The following MAN1C1 variants were observed in gnomAD, a reference collection of about 807,000 sequenced individuals.
The protein encoded by MAN1C1 is mannosidase alpha class 1C member 1.
In MAN1C1, 49 loss-of-function variants were observed where a neutral mutation model predicts 71.5. The ratio of observed to expected loss-of-function variants is 0.69; its 90% CI spans 0.54 to 0.87. The LOEUF (loss-of-function observed/expected upper bound fraction) is 0.87, where lower values mean the gene tolerates loss of function less well. Ranked by LOEUF, MAN1C1 falls within the 40% of genes least tolerant of loss-of-function variation. The probability of loss-of-function intolerance (pLI) is 0.00; values close to 1 mark genes in which losing one functional copy is unlikely to be tolerated. For missense variants in MAN1C1, 743 were observed against 835.0 expected, an observed-to-expected ratio of 0.89 and a Z score of 1.36; for synonymous variants, 352 against 343.7, an observed-to-expected ratio of 1.02 and a Z score of -0.27.
intron 6 of MAN1C1, 97 bp from the exon 7 acceptor site, chr1:25,763,777 C>T: frequency 1.1e-6 from 1 of 927,866 alleles, no homozygotes; most frequent in Non-Finnish European, 1.8e-6. Flanking sequence ...AGGTTTCCTC[C>T]ATGCATCTGA....
chr1:25,641,760 A>G (rs1255481840), intron 1 of MAN1C1, among the ~76,000 whole-genome samples: 1 of 152,172 alleles, frequency 6.6e-6, no homozygotes, highest in African/African-American at 2.4e-5. Context: ...AATTTTCTGT[A>G]TTTATTAAGA....
chr1:25,680,949 C>T (rs115642911), intron 1 of MAN1C1, among the ~76,000 whole-genome samples: 78 of 152,146 alleles, frequency 5.1e-4, no homozygotes, highest in African/African-American at 1.8e-3. Context: ...CAGATGAGCA[C>T]GGTGGCTCAT....
chr1:25,755,536 G>A (rs894275958), intron 5 of MAN1C1, among the ~76,000 whole-genome samples: 5 of 152,192 alleles, frequency 3.3e-5, no homozygotes, highest in African/African-American at 4.8e-5. Context: ...AATTGCAAAC[G>A]TCTGGTGAGA....
At chr1:25,770,114 C>T (rs915612821) in intron 7 of MAN1C1, among the ~76,000 whole-genome samples, 1 of 152,190 alleles carries the variant, frequency 6.6e-6, no homozygotes, top group Non-Finnish European at 1.5e-5. Flanking sequence ...CCTGCCCCTC[C>T]TCAACATGCC....
intron 1 of MAN1C1, among the ~76,000 whole-genome samples, chr1:25,638,909 C>T (rs964162162): frequency 6.6e-6 from 1 of 151,932 alleles, no homozygotes; most frequent in East Asian, 1.9e-4. Flanking sequence ...GATATTTTTT[C>T]ATCAGTTTGG....
rs1358166724 is a variant in MAN1C1, at chr1:25,631,131, A to T, written c.540+12794A>T. 6.6e-6 allele frequency among the ~76,000 whole-genome samples: 1 copy of T among 151,650 alleles called. No individual in the cohort carries two copies. Among genetic ancestry groups the T allele is most frequent in the African/African-American group, 2.4e-5 (1 of 41,256 alleles). On this transcript the variant is annotated intron_variant, in intron 1 of 11. Coordinates refer to ENST00000374332, the MANE Select transcript of MAN1C1 (RefSeq NM_020379.4). This position sits in a 1 kb window ranked among gnomAD's most constrained non-coding sequence, Gnocchi z 4.2. ...AGGCATGTACCACCACGCCTGGTTA[A>T]TTTTTTTTGTATTTTTAGAAGAGAC...
intron 8 of MAN1C1, among the ~76,000 whole-genome samples, chr1:25,772,888 C>G (rs926363182): frequency 2.0e-5 from 3 of 152,208 alleles, no homozygotes; most frequent in Non-Finnish European, 4.4e-5. Flanking sequence ...CGACTCCCAC[C>G]TCAGGGCCTT....
At position 25,617,207 on chromosome 1, in the gene MAN1C1, C is replaced by A. The variant is rs1211706810; in HGVS notation, c.-591C>A. 6.6e-6 allele frequency among the ~76,000 whole-genome samples: 1 copy of A among 151,592 alleles called. No homozygotes were observed. Among genetic ancestry groups the A allele is most frequent in the Non-Finnish European group, 1.5e-5 (1 of 67,852 alleles). On this transcript the variant is annotated 5_prime_UTR_variant, in exon 1 of 12. Coordinates refer to ENST00000374332, the MANE Select transcript of MAN1C1 (RefSeq NM_020379.4). The surrounding 1 kb of genome is among the most constrained non-coding windows in gnomAD (Gnocchi z 5.1). ...TCTCCGCGGCGGAGAAAGTTGTGGACGTGTCCCGATAGTCGAGCCCGGGCG... is the reference window on the plus strand; with the variant it reads ...TCTCCGCGGCGGAGAAAGTTGTGGAAGTGTCCCGATAGTCGAGCCCGGGCG...
At chr1:25,712,900 A>T (rs747385011) in intron 2 of MAN1C1, among the ~76,000 whole-genome samples, 1 of 152,180 alleles carries the variant, frequency 6.6e-6, no homozygotes, top group Non-Finnish European at 1.5e-5. Context: ...AATGAAATTT[A>T]CCAGGGACTT....
rs116419749 is a variant in MAN1C1, at chr1:25,688,887, C to G, written c.637+2351C>G. Among the ~76,000 whole-genome samples, 1,302 of 152,310 alleles carry G rather than the reference C, an allele frequency of 8.5e-3. 23 individuals are homozygous for G. Among genetic ancestry groups the G allele is most frequent in the African/African-American group, 0.029 (1,217 of 41,548 alleles). On this transcript the variant is annotated intron_variant, in intron 2 of 11. Coordinates refer to ENST00000374332, the MANE Select transcript of MAN1C1 (RefSeq NM_020379.4). ...TGTCCCAGTGAGCCTGTGGCAGGCT[C>G]TGAGGTCCCTTGGGTTGTCTGTCTC...
At chr1:25,681,186 A>C (rs750648015) in intron 1 of MAN1C1, among the ~76,000 whole-genome samples, 4 of 151,634 alleles carry the variant, frequency 2.6e-5, no homozygotes, top group African/African-American at 4.8e-5. Flanking sequence ...AGATCGCACC[A>C]TTGCACTCCA....
chr1:25,665,692 CTGTT>C (rs1442166866), intron 1 of MAN1C1, among the ~76,000 whole-genome samples: 2 of 152,050 alleles, frequency 1.3e-5, no homozygotes, highest in Non-Finnish European at 2.9e-5. Flanking sequence ...CAGGTGGAGT[CTGTT>C]TGGCCCCTCT....
chr1:25,746,801 G>T lies in MAN1C1; in HGVS notation c.753+18G>T, dbSNP rs373493786. ...TGAACGTGGTGAGTCAGAGGCCCTC[G>T]GCGGGGGAGGGGGGCGGGGGCCAGA... On this transcript the variant is annotated intron_variant, in intron 3 of 11. Coordinates refer to ENST00000374332, the MANE Select transcript of MAN1C1 (RefSeq NM_020379.4). The surrounding 1 kb of genome is among the most constrained non-coding windows in gnomAD (Gnocchi z 4.0). The T allele has an allele frequency of 1.2e-5, 16 of 1,356,760 alleles. No individual in the cohort carries two copies. Among genetic ancestry groups the T allele is most frequent in the Non-Finnish European group, 1.7e-5 (16 of 969,696 alleles). 84.0% of individuals were successfully genotyped at this position (1,356,760 alleles called of 1,614,324 possible). A position where few individuals can be genotyped will look rare whatever the true frequency, so the allele number is the denominator to read the frequency against.
intron 2 of MAN1C1, among the ~76,000 whole-genome samples, chr1:25,709,263 G>T (rs1412807195): frequency 6.6e-6 from 1 of 152,206 alleles, no homozygotes; most frequent in Non-Finnish European, 1.5e-5. Flanking sequence ...TGCAGAACAC[G>T]GAGGAGGCAG....
At chr1:25,747,196 C>G (rs2047141672) in intron 3 of MAN1C1, among the ~76,000 whole-genome samples, 1 of 152,190 alleles carries the variant, frequency 6.6e-6, no homozygotes, top group Non-Finnish European at 1.5e-5. Flanking sequence ...CAGCCTTGAG[C>G]CCGCCCTGCA....
At chr1:25,671,198 T>C (rs2045988266) in intron 1 of MAN1C1, among the ~76,000 whole-genome samples, 1 of 152,186 alleles carries the variant, frequency 6.6e-6, no homozygotes. Flanking sequence ...GTTTGTTCCA[T>C]GTCCTTGGGC....
At chr1:25,648,557 A>G (rs2045648362) in intron 1 of MAN1C1, among the ~76,000 whole-genome samples, 1 of 152,150 alleles carries the variant, frequency 6.6e-6, no homozygotes, top group East Asian at 1.9e-4. Flanking sequence ...TGTCAAGGCC[A>G]TCTTGACCTC....
rs1486398397 is a variant in MAN1C1 at position 25,776,112 on chromosome 1, A to G, written c.1258-1993A>G. 2 of 152,138 alleles carry G rather than the reference A, an allele frequency of 1.3e-5. No individual in the cohort carries two copies. The highest frequency in any genetic ancestry group is 4.8e-5 in the African/African-American group (2 of 41,416). 9.4% of individuals were successfully genotyped at this position (152,138 alleles called of 1,614,324 possible). On this transcript the variant is annotated intron_variant, in intron 8 of 11. Coordinates refer to ENST00000374332, the MANE Select transcript of MAN1C1 (RefSeq NM_020379.4). This position sits in a 1 kb window ranked among gnomAD's most constrained non-coding sequence, Gnocchi z 4.3. Reference sequence around the variant, plus strand: ...ATGTTGCCCAGGCTGGTTTCAAACTACTGGGCTCAAATGATCCATCTGCCT... The same window carrying G: ...ATGTTGCCCAGGCTGGTTTCAAACTGCTGGGCTCAAATGATCCATCTGCCT...
intron 2 of MAN1C1, among the ~76,000 whole-genome samples, chr1:25,686,942 T>C (rs2046239525): frequency 6.6e-6 from 1 of 152,140 alleles, no homozygotes; most frequent in Non-Finnish European, 1.5e-5. Context: ...CGTAGATTGC[T>C]GAACACATAT....
Sources: gnomAD v4.1 joint callset for allele counts (sites outside exome capture counted in the v4.1 genomes callset) on GRCh38, gnomAD v4.1.1 for gene constraint, Gnocchi (gnomAD v3.1) non-coding constraint, MANE v1.5 for transcripts, NCBI Gene and HGNC (gene_info 2026-07-23, HGNC 2026-07-21) for gene names.